Variants in COL21A1 observed in about 807,000 individuals in gnomAD.
The protein encoded by COL21A1 is collagen type XXI alpha 1 chain, also known as collagen alpha-1(XXI) chain.
Under a neutral mutation model 137.9 loss-of-function variants are expected in COL21A1, and 149 were observed. The ratio of observed to expected loss-of-function variants is 1.08; its 90% CI spans 0.95 to 1.24. COL21A1 has a LOEUF of 1.24. COL21A1 is among the 50% of genes most tolerant of loss of function. The pLI is 0.00. For missense variants in COL21A1, 1,167 were observed against 1,158.4 expected, an observed-to-expected ratio of 1.01 and a Z score of -0.11; for synonymous variants, 456 against 391.5, an observed-to-expected ratio of 1.16 and a Z score of -1.95.
At chr6:56,286,779 A>G (rs374262058) in intron 1 of COL21A1, among the ~76,000 whole-genome samples, 1 of 152,192 alleles carries the variant, frequency 6.6e-6, no homozygotes, top group East Asian at 1.9e-4. Context: ...ATAATCCTCA[A>G]CCATATACAC....
chr6:56,336,592 T>C (rs16887793), intron 1 of COL21A1, among the ~76,000 whole-genome samples: 4,062 of 152,304 alleles, frequency 0.027, 172 homozygotes, highest in African/African-American at 0.093. Context: ...CCTGCAGCCA[T>C]GTTTTCCTCA....
chr6:56,291,488 TC>T (rs537373051), intron 1 of COL21A1, among the ~76,000 whole-genome samples: 52 of 152,294 alleles, frequency 3.4e-4, no homozygotes, highest in African/African-American at 1.2e-3. Context: ...CCTTGCAGTC[TC>T]CCCCTGGCAC....
intron 18 of COL21A1, 108 bp downstream of exon 18, chr6:56,077,421 A>G: frequency 9.5e-6 from 7 of 740,578 alleles, no homozygotes. Flanking sequence ...ATTATATAAT[A>G]TTTGAAAAAT....
At chr6:56,248,218 A>G (rs1017608786), upstream of COL21A1, among the ~76,000 whole-genome samples, 5 of 152,154 alleles carry the variant, frequency 3.3e-5, no homozygotes, top group Non-Finnish European at 5.9e-5. Flanking sequence ...TATTATCTGC[A>G]ACTCTTCTTT....
At chr6:56,357,663 C>T (rs556983578) in intron 1 of COL21A1, among the ~76,000 whole-genome samples, 8 of 152,238 alleles carry the variant, frequency 5.3e-5, no homozygotes, top group East Asian at 1.9e-4. Flanking sequence ...GGCTCTGCCA[C>T]GGAGAAATTT....
At chr6:56,063,794 G>A (rs553998037) in intron 24 of COL21A1, among the ~76,000 whole-genome samples, 3 of 152,128 alleles carry the variant, frequency 2.0e-5, no homozygotes, top group African/African-American at 7.2e-5. Context: ...CAGAGTTGGT[G>A]TAATTGCAGA....
intron 1 of COL21A1, among the ~76,000 whole-genome samples, chr6:56,313,531 A>T (rs933715965): frequency 2.6e-5 from 4 of 152,120 alleles, no homozygotes; most frequent in African/African-American, 7.2e-5. Flanking sequence ...GCCTTCACAA[A>T]TCAGAGAGAG....
intron 1 of COL21A1, among the ~76,000 whole-genome samples, chr6:56,313,955 G>C (rs1433557832): frequency 2.0e-5 from 3 of 152,222 alleles, no homozygotes; most frequent in Non-Finnish European, 4.4e-5. Flanking sequence ...TTTCTGCTTT[G>C]CCAAGAAATA....
Position 56,070,314 on chromosome 6 carries a change from T to C in COL21A1, c.2019+431A>G, listed in dbSNP as rs534171227. Among the ~76,000 whole-genome samples, 5 of 151,670 alleles carry C rather than the reference T, an allele frequency of 3.3e-5. No individual in the cohort carries two copies. In the East Asian group the frequency reaches 5.8e-4, roughly 18 times the overall value. The stretch of plus-strand genomic sequence containing the variant: ...GGTTGGAAGTGTATTAAAAATCCCA[T>C]TGAAATAAACATCAACCCATGTGGT... On this transcript the variant is annotated intron_variant, in intron 21 of 29. Coordinates refer to ENST00000244728, the MANE Select transcript of COL21A1 (RefSeq NM_030820.4).
intron 17 of COL21A1, among the ~76,000 whole-genome samples, chr6:56,079,224 G>A (rs900992802): frequency 1.3e-5 from 2 of 151,576 alleles, no homozygotes; most frequent in South Asian, 2.1e-4. Flanking sequence ...GAAGGAAGGT[G>A]GCTATACATT....
At chr6:56,119,038 G>A (rs1772204489) in intron 16 of COL21A1, among the ~76,000 whole-genome samples, 1 of 151,980 alleles carries the variant, frequency 6.6e-6, no homozygotes, top group Admixed American at 6.5e-5. Context: ...GGTGTCCACT[G>A]TCACCACTCT....
chr6:56,259,538 A>C (rs1401709904), intron 1 of COL21A1, among the ~76,000 whole-genome samples: 1 of 152,230 alleles, frequency 6.6e-6, no homozygotes, highest in Non-Finnish European at 1.5e-5. Context: ...CATTTTTAGA[A>C]AATTACATTC....
At chr6:56,385,555 A>T (rs980461752) in intron 1 of COL21A1, among the ~76,000 whole-genome samples, 4 of 152,050 alleles carry the variant, frequency 2.6e-5, no homozygotes, top group South Asian at 2.1e-4. Flanking sequence ...TGACATTTTT[A>T]AAAAATTGAG....
At chr6:56,201,579 TG>T (rs1256083174) in intron 1 of COL21A1, among the ~76,000 whole-genome samples, 2 of 152,208 alleles carry the variant, frequency 1.3e-5, no homozygotes, top group Non-Finnish European at 1.5e-5. Context: ...CCCCATTTCT[TG>T]TTTTTGTCAG....
chr6:56,127,747 TTG>T (rs1455816196), intron 12 of COL21A1, among the ~76,000 whole-genome samples: 4 of 152,348 alleles, frequency 2.6e-5, no homozygotes, highest in East Asian at 1.9e-4. Flanking sequence ...CTTTTGTTTC[TTG>T]TGTGTTTTTT....
In COL21A1 at chr6:56,124,222, T is replaced by C; in HGVS notation, c.1704+17A>G. 1 of 1,586,264 alleles carries C rather than the reference T, an allele frequency of 6.3e-7. No homozygotes were observed. The highest frequency in any genetic ancestry group is 8.6e-7 in the Non-Finnish European group (1 of 1,165,282). ...ATTTAAAGCAAAATACTAAGAGCTTTTTTCTATCAAACTCACAGCAGGTCC... is the reference window on the plus strand; with the variant it reads ...ATTTAAAGCAAAATACTAAGAGCTTCTTTCTATCAAACTCACAGCAGGTCC... On this transcript the variant is annotated intron_variant, in intron 15 of 29. Coordinates refer to ENST00000244728, the MANE Select transcript of COL21A1 (RefSeq NM_030820.4).
At chr6:56,166,121 A>T (rs564485514) in intron 7 of COL21A1, among the ~76,000 whole-genome samples, 19 of 152,182 alleles carry the variant, frequency 1.2e-4, no homozygotes, top group African/African-American at 4.6e-4. Context: ...TTTGAGAAAA[A>T]GTGTCAGTGA....
intron 1 of COL21A1, among the ~76,000 whole-genome samples, chr6:56,350,767 C>T (rs1027880892): frequency 1.1e-4 from 16 of 152,160 alleles, no homozygotes; most frequent in African/African-American, 3.9e-4. Context: ...AGTTAGTAAC[C>T]TAGGGCCTTG....
chr6:56,067,243 T>A, intron 23 of COL21A1, 52 bp downstream of exon 23: 2 of 1,445,948 alleles, frequency 1.4e-6, no homozygotes, highest in Non-Finnish European at 9.6e-7. Flanking sequence ...AAGAACTTTT[T>A]AAAAGCTCTG....
Sources: gnomAD v4.1 joint callset for allele counts (sites outside exome capture counted in the v4.1 genomes callset) on GRCh38, gnomAD v4.1.1 for gene constraint, MANE v1.5 for transcripts, NCBI Gene and HGNC (gene_info 2026-07-23, HGNC 2026-07-21) for gene names.